The following HSF2BP variants were observed in gnomAD, a reference collection of about 807,000 sequenced individuals.
HSF2BP encodes the protein heat shock transcription factor 2 binding protein, also known as heat shock factor 2-binding protein.
A neutral mutation model predicts 35.0 loss-of-function variants in HSF2BP; 35 were observed. The observed-to-expected ratio is 1.00, with a 90% CI of 0.76 to 1.32. The LOEUF (loss-of-function observed/expected upper bound fraction) is 1.32, where lower values mean the gene tolerates loss of function less well. HSF2BP is among the 40% of genes most tolerant of loss of function. The pLI, the probability that HSF2BP is intolerant of heterozygous loss-of-function variation, is 0.00. For synonymous variants in HSF2BP, 114 were observed against 117.4 expected (o/e 0.97, Z 0.18); for missense variants, 326 against 321.7 (o/e 1.01, Z -0.10).
intron 7 of HSF2BP, among the ~76,000 whole-genome samples, chr21:43,595,483 A>C (rs1386246266): frequency 1.3e-5 from 2 of 151,516 alleles, no homozygotes; most frequent in African/African-American, 4.9e-5. Flanking sequence ...ACATGGCAAG[A>C]CCCCGTCTCT....
chr21:43,654,873 T>C (rs1601736303), intron 3 of HSF2BP, among the ~76,000 whole-genome samples: 2 of 152,260 alleles, frequency 1.3e-5, no homozygotes, highest in African/African-American at 4.8e-5. Flanking sequence ...TCTCAAGCCC[T>C]ATTGGAAGGC....
At chr21:43,611,902 G>C (rs2082209333) in intron 7 of HSF2BP, among the ~76,000 whole-genome samples, 1 of 152,192 alleles carries the variant, frequency 6.6e-6, no homozygotes, top group South Asian at 2.1e-4. Flanking sequence ...GCTCAGAAAA[G>C]TGACCCCAAA....
intron 3 of HSF2BP, among the ~76,000 whole-genome samples, chr21:43,649,306 A>G (rs1046609763): frequency 1.2e-4 from 18 of 151,776 alleles, no homozygotes; most frequent in Non-Finnish European, 2.1e-4. Context: ...GATGGCGCGC[A>G]CCTGTAGTCC....
intron 8 of HSF2BP, among the ~76,000 whole-genome samples, chr21:43,575,262 T>A (rs1402648565): frequency 2.0e-5 from 3 of 152,240 alleles, no homozygotes; most frequent in Non-Finnish European, 4.4e-5. Flanking sequence ...TGCATGAGCA[T>A]GCTCGCCTTT....
intron 8 of HSF2BP, among the ~76,000 whole-genome samples, chr21:43,584,995 A>ATTATTTAT (rs557734689): frequency 8.6e-5 from 13 of 151,592 alleles, no homozygotes; most frequent in East Asian, 3.9e-4. Context: ...ATTTTATTTA[A>ATTATTTAT]TTATTTATTT....
Position 43,659,053 on chromosome 21 carries a change from T to C in HSF2BP, c.-225+333A>G, listed in dbSNP as rs1261040653. Among the ~76,000 whole-genome samples the C allele has an allele frequency of 6.6e-6, 1 of 152,086 alleles. No individual in the cohort carries two copies. The highest frequency in any genetic ancestry group is 1.5e-5 in the Non-Finnish European group (1 of 68,004). On this transcript the variant is annotated intron_variant, in intron 1 of 8. Coordinates refer to ENST00000291560, the MANE Select transcript of HSF2BP (RefSeq NM_007031.2). The surrounding 1 kb of genome is among the most constrained non-coding windows in gnomAD (Gnocchi z 4.2). ...CGGCTCAAGCCTGTAATCCCAGCGA[T>C]CAGGGAGGCCGCCGCGGGAGGATTG...
At position 43,590,825 on chromosome 21, in the gene HSF2BP, G is replaced by A. The variant is rs540351572; in HGVS notation, c.796+1400C>T. Among the ~76,000 whole-genome samples, 13 of 152,172 alleles carry A rather than the reference G, an allele frequency of 8.5e-5. No homozygotes were observed. In the East Asian group the frequency reaches 1.2e-3, roughly 14 times the overall value. On this transcript the variant is annotated intron_variant, in intron 8 of 8. Coordinates refer to ENST00000291560, the MANE Select transcript of HSF2BP (RefSeq NM_007031.2). ...ACTAACTACAGCGCAGAAAGGAGGCGAGTCACTCTCTGGAAAGCAGGGAGA... is the reference window on the plus strand; with the variant it reads ...ACTAACTACAGCGCAGAAAGGAGGCAAGTCACTCTCTGGAAAGCAGGGAGA...
intron 6 of HSF2BP, among the ~76,000 whole-genome samples, chr21:43,623,860 C>T (rs957144054): frequency 1.5e-4 from 23 of 152,180 alleles, no homozygotes; most frequent in Admixed American, 1.4e-3. Flanking sequence ...TCCAAACTAA[C>T]CTCACCTTTC....
intron 6 of HSF2BP, among the ~76,000 whole-genome samples, chr21:43,629,441 T>C (rs2082427773): frequency 6.6e-6 from 1 of 152,224 alleles, no homozygotes; most frequent in Non-Finnish European, 1.5e-5. Flanking sequence ...GGCGCATGCC[T>C]GTAATCCCAG....
chr21:43,642,924 C>T (rs982798819), intron 4 of HSF2BP, among the ~76,000 whole-genome samples: 5 of 151,324 alleles, frequency 3.3e-5, no homozygotes, highest in Non-Finnish European at 7.4e-5. Flanking sequence ...CTCAGCCAGG[C>T]TGGTCTCGAA....
At position 43,597,819 on chromosome 21, in the gene HSF2BP, A is replaced by T. The variant is rs890480100; in HGVS notation, c.693-5491T>A. Among the ~76,000 whole-genome samples, 309 of 152,326 alleles carry T rather than the reference A, an allele frequency of 2.0e-3. 4 individuals carry two copies. The highest frequency in any genetic ancestry group is 6.9e-3 in the African/African-American group (286 of 41,566). ...GGCATAAGCCATTGTGCCCAGCCCAAAATTTTAAATAAAGATGGAACTGGT... is the reference window on the plus strand; with the variant it reads ...GGCATAAGCCATTGTGCCCAGCCCATAATTTTAAATAAAGATGGAACTGGT... On this transcript the variant is annotated intron_variant, in intron 7 of 8. Coordinates refer to ENST00000291560, the MANE Select transcript of HSF2BP (RefSeq NM_007031.2). The surrounding 1 kb of genome is among the most constrained non-coding windows in gnomAD (Gnocchi z 4.3).
chr21:43,609,002 C>T (rs985417955), intron 7 of HSF2BP, among the ~76,000 whole-genome samples: 9 of 152,038 alleles, frequency 5.9e-5, no homozygotes, highest in African/African-American at 2.2e-4. Flanking sequence ...ACAAAAATAG[C>T]AAAGACATAG....
intron 7 of HSF2BP, among the ~76,000 whole-genome samples, chr21:43,602,641 C>T (rs1568902961): frequency 6.6e-6 from 1 of 152,226 alleles, no homozygotes; most frequent in Non-Finnish European, 1.5e-5. Context: ...ACCCTCTACC[C>T]TGTGCCTGGA....
intron 6 of HSF2BP, among the ~76,000 whole-genome samples, chr21:43,623,770 C>T (rs1338968241): frequency 1.3e-5 from 2 of 152,184 alleles, no homozygotes; most frequent in East Asian, 3.9e-4. Context: ...ATTGTCCTGA[C>T]AGATGATTCA....
At chr21:43,634,389 T>C (rs1441662737) in intron 4 of HSF2BP, among the ~76,000 whole-genome samples, 1 of 152,230 alleles carries the variant, frequency 6.6e-6, no homozygotes. Context: ...GGTGATAGCA[T>C]TTCCTGATTT....
intron 5 of HSF2BP, among the ~76,000 whole-genome samples, chr21:43,630,676 A>G (rs1290053139): frequency 6.6e-6 from 1 of 152,232 alleles, no homozygotes; most frequent in Admixed American, 6.5e-5. Flanking sequence ...ACGCATAAAT[A>G]TGATATAGGA....
intron 6 of HSF2BP, among the ~76,000 whole-genome samples, chr21:43,629,124 G>T (rs1002070073): frequency 6.6e-6 from 1 of 152,140 alleles, no homozygotes; most frequent in Non-Finnish European, 1.5e-5. Context: ...ATATCAAAAA[G>T]AAATTTCAAC....
rs1306327097 is a variant in HSF2BP, at chr21:43,632,161, TCACA to T, written c.441+1107_441+1110del. The stretch of plus-strand genomic sequence containing the variant: ...CTCCCACACACACACTCACACAGTC[TCACA>T]CACACACGCTCCCCCACACACACAC... On this transcript the variant is annotated intron_variant, in intron 5 of 8. Coordinates refer to ENST00000291560, the MANE Select transcript of HSF2BP (RefSeq NM_007031.2). 1.3e-4 allele frequency among the ~76,000 whole-genome samples: 5 copies of T among 39,996 alleles called. No individual in the cohort carries two copies. The South Asian group carries it at 4.0e-3, about 32-fold the overall frequency. 26.2% of individuals were successfully genotyped at this position (39,996 alleles called of 152,430 possible).
At chr21:43,586,457 T>C (rs1407489757) in intron 8 of HSF2BP, among the ~76,000 whole-genome samples, 2 of 152,294 alleles carry the variant, frequency 1.3e-5, no homozygotes, top group East Asian at 3.9e-4. Flanking sequence ...TGAGATTTTT[T>C]TTTTCATTTC....
Sources: gnomAD v4.1 joint callset for allele counts (sites outside exome capture counted in the v4.1 genomes callset) on GRCh38, gnomAD v4.1.1 for gene constraint, Gnocchi (gnomAD v3.1) non-coding constraint, MANE v1.5 for transcripts, NCBI Gene and HGNC (gene_info 2026-07-23, HGNC 2026-07-21) for gene names.